The following SERPINB7 variants were observed in gnomAD, a reference collection of about 807,000 sequenced individuals.
SERPINB7 encodes the protein serpin B7.
Under a neutral mutation model 37.4 loss-of-function variants are expected in SERPINB7, and 31 were observed. The observed-to-expected ratio is 0.83, with a 90% CI of 0.62 to 1.12. The LOEUF (loss-of-function observed/expected upper bound fraction) is 1.12, where lower values mean the gene tolerates loss of function less well. Among genes scored for constraint, SERPINB7 ranks in the 50% most tolerant of loss-of-function variants. The pLI is 0.00. For synonymous variants in SERPINB7, 163 were observed against 166.1 expected, an observed-to-expected ratio of 0.98 and a Z score of 0.14; for missense variants, 521 against 455.3, an observed-to-expected ratio of 1.14 and a Z score of -1.31.
chr18:63,794,600 G>A (rs1048146414), intron 4 of SERPINB7, among the ~76,000 whole-genome samples: 1 of 152,152 alleles, frequency 6.6e-6, no homozygotes, highest in African/African-American at 2.4e-5. Flanking sequence ...TGAGGCAGGA[G>A]AATGGCATGA....
intron 7 of SERPINB7, among the ~76,000 whole-genome samples, chr18:63,802,550 C>G (rs2144648513): frequency 6.6e-6 from 1 of 152,198 alleles, no homozygotes; most frequent in South Asian, 2.1e-4. Flanking sequence ...AGAATTTGGT[C>G]AATTTTTCTG....
At chr18:63,793,846 G>C (rs2049455627) in intron 4 of SERPINB7, among the ~76,000 whole-genome samples, 1 of 151,736 alleles carries the variant, frequency 6.6e-6, no homozygotes, top group African/African-American at 2.4e-5. Context: ...TTTTTTTTAA[G>C]GACATAGACA....
At chr18:63,777,817 G>A (rs1216060323) in intron 1 of SERPINB7, 1 of 150,778 alleles carries the variant, frequency 6.6e-6, no homozygotes, top group Non-Finnish European at 1.5e-5. Context: ...CCTCTATGAA[G>A]ACAGTAAGGT....
chr18:63,759,459 C>G (rs2049140528), intron 1 of SERPINB7, among the ~76,000 whole-genome samples: 1 of 152,042 alleles, frequency 6.6e-6, no homozygotes, highest in South Asian at 2.1e-4. Flanking sequence ...CTTCCAAAAC[C>G]AATTTTTAAG....
At chr18:63,801,860 A>G (rs73962401) in intron 7 of SERPINB7, among the ~76,000 whole-genome samples, 3,142 of 152,286 alleles carry the variant, frequency 0.021, 104 homozygotes, top group African/African-American at 0.067. Context: ...AGGGGGTTAC[A>G]AATTTTATGG....
chr18:63,776,090 G>A (rs912503771), intron 1 of SERPINB7, among the ~76,000 whole-genome samples: 4 of 152,034 alleles, frequency 2.6e-5, no homozygotes, highest in Non-Finnish European at 5.9e-5. Context: ...CCTGCTATCA[G>A]GAATAGATCA....
chr18:63,754,977 G>A (rs2049113175), intron 1 of SERPINB7, among the ~76,000 whole-genome samples: 1 of 133,924 alleles, frequency 7.5e-6, no homozygotes, highest in Non-Finnish European at 1.5e-5. Flanking sequence ...TCGGCTCACT[G>A]CAAGCTCCGC....
In SERPINB7 at chr18:63,793,263, T is replaced by G; in HGVS notation, c.322T>G (p.Tyr108Asp). 6.3e-7 allele frequency: 1 copy of G among 1,583,994 alleles called. No individual in the cohort carries two copies. Among genetic ancestry groups the G allele is most frequent in the Admixed American group, 1.7e-5 (1 of 58,554 alleles). Residue 108 changes from tyrosine (Y) to aspartate (D), a missense_variant, in exon 4 of 8, where the codon TAT (tyrosine) becomes GAT (aspartate). Transcript: ENST00000398019. The part of the protein sequence containing the change: ...IVNGLFAEKV[Y>D]GFHKDYIECA... ...GAATGGGCTTTTTGCTGAAAAAGTG[T>G]ATGGCTTTCATAAGGTAAGTGAAAC...
chr18:63,775,025 TATAAG>T (rs1283859473), upstream of SERPINB7, among the ~76,000 whole-genome samples: 1 of 152,200 alleles, frequency 6.6e-6, no homozygotes, highest in East Asian at 1.9e-4. Context: ...GAAATTAGGC[TATAAG>T]ATGAGTGGCA....
intron 1 of SERPINB7, among the ~76,000 whole-genome samples, chr18:63,768,172 T>C (rs886097852): frequency 1.3e-5 from 2 of 152,128 alleles, no homozygotes; most frequent in African/African-American, 4.8e-5. Context: ...CTTTTCTTTA[T>C]GATTTTCTTG....
intron 1 of SERPINB7, among the ~76,000 whole-genome samples, chr18:63,777,526 T>C (rs997600639): frequency 5.3e-5 from 8 of 152,084 alleles, no homozygotes; most frequent in African/African-American, 1.9e-4. Flanking sequence ...TACATAAAAA[T>C]ACTATGTGAT....
At chr18:63,779,232 C>T (rs759658337) in intron 1 of SERPINB7, among the ~76,000 whole-genome samples, 5 of 151,990 alleles carry the variant, frequency 3.3e-5, no homozygotes, top group Non-Finnish European at 7.4e-5. Context: ...ATTTAAGTTG[C>T]TTTGAAAGTA....
At chr18:63,783,167 GA>G (rs759502212) in intron 2 of SERPINB7, among the ~76,000 whole-genome samples, 1 of 118,852 alleles carries the variant, frequency 8.4e-6, no homozygotes, top group Non-Finnish European at 1.8e-5. Flanking sequence ...AAAACAAAAA[GA>G]AAATAAAGAA....
chr18:63,782,813 G>T (rs534084315), intron 2 of SERPINB7, among the ~76,000 whole-genome samples: 1 of 152,216 alleles, frequency 6.6e-6, no homozygotes, highest in Admixed American at 6.5e-5. Context: ...CCCAGACCAG[G>T]ATCATCAGCA....
intron 3 of SERPINB7, among the ~76,000 whole-genome samples, chr18:63,792,824 T>C (rs866917565): frequency 6.6e-6 from 1 of 152,248 alleles, no homozygotes; most frequent in Non-Finnish European, 1.5e-5. Flanking sequence ...TTGGCCATAT[T>C]TGGGCAAGAA....
Position 63,793,267 on chromosome 18 carries a change from G to T in SERPINB7, c.326G>T (p.Gly109Val). The change falls in exon 4 of 8, where the codon GGC becomes GTC. Residue 109 changes from glycine (G) to valine (V), a missense_variant. Transcript: ENST00000398019. ...GGGCTTTTTGCTGAAAAAGTGTATG[G>T]CTTTCATAAGGTAAGTGAAACTGCC... Reference protein sequence around the residue: ...VNGLFAEKVYGFHKDYIECAE... With the variant: ...VNGLFAEKVYVFHKDYIECAE... 6.4e-7 allele frequency: 1 copy of T among 1,570,326 alleles called. No homozygotes were observed. Among genetic ancestry groups the T allele is most frequent in the South Asian group, 1.1e-5 (1 of 87,726 alleles).
At position 63,786,210 on chromosome 18, in the gene SERPINB7, G is replaced by A. The variant is rs1568209506; in HGVS notation, c.168+3670G>A. 6.8e-3 allele frequency among the ~76,000 whole-genome samples: 436 copies of A among 63,960 alleles called. 3 individuals carry two copies. Among genetic ancestry groups the A allele is most frequent in the Middle Eastern group, 0.01 (1 of 96 alleles). The allele number at this position is 63,960 out of a possible 152,430, so 42.0% of individuals were successfully genotyped here. A position where few individuals can be genotyped will look rare whatever the true frequency, so the allele number is the denominator to read the frequency against. On this transcript the variant is annotated intron_variant, in intron 2 of 7. Transcript: ENST00000398019. The stretch of plus-strand genomic sequence containing the variant: ...ACACACACCAGCATGGCACATACGT[G>A]TATATATATATATATATATATATAC...
intron 5 of SERPINB7, among the ~76,000 whole-genome samples, chr18:63,798,341 C>G (rs111327062): frequency 6.6e-6 from 1 of 152,092 alleles, no homozygotes; most frequent in African/African-American, 2.4e-5. Context: ...GTCTTAATCT[C>G]TTTGTGCCTT....
Position 63,804,621 on chromosome 18 carries a change from GT to G in SERPINB7, c.1132del (p.Ser378LeufsTer53), listed in dbSNP as rs1263940616. The G allele has an allele frequency of 6.2e-7, 1 of 1,607,258 alleles. No homozygotes were observed. The highest frequency in any genetic ancestry group is 8.5e-7 in the Non-Finnish European group (1 of 1,176,186). ...TGACATCATCTTATTCAGTGGCAAAGTTTCTTGCCCTTGAAAATCCAATTGG... is the reference window on the plus strand; with the variant it reads ...TGACATCATCTTATTCAGTGGCAAAGTTCTTGCCCTTGAAAATCCAATTGG... Reference protein sequence around the residue: ...KDDIILFSGKVSCP With the variant: ...KDDIILFSGKXSCP On this transcript the variant is annotated frameshift_variant, in exon 8 of 8. Transcript: ENST00000398019. LOFTEE classifies it high-confidence loss of function.
Sources: gnomAD v4.1 joint callset for allele counts (sites outside exome capture counted in the v4.1 genomes callset) on GRCh38, gnomAD v4.1.1 for gene constraint, MANE v1.5 for transcripts, NCBI Gene and HGNC (gene_info 2026-07-23, HGNC 2026-07-21) for gene names.